Variants in NKAIN2 observed in about 807,000 individuals in gnomAD.
The protein encoded by NKAIN2 is sodium/potassium transporting ATPase interacting 2, also known as sodium/potassium-transporting ATPase subunit beta-1-interacting protein 2.
A neutral mutation model predicts 32.6 loss-of-function variants in NKAIN2; 14 were observed. The observed-to-expected ratio is 0.43, with a 90% CI of 0.28 to 0.67. The LOEUF (loss-of-function observed/expected upper bound fraction) is 0.67. NKAIN2 is among the 30% of genes least tolerant of loss of function. NKAIN2 has a pLI of 0.17. For synonymous variants in NKAIN2, 80 were observed against 87.2 expected (o/e 0.92, Z 0.46); for missense variants, 198 against 258.3 (o/e 0.77, Z 1.60).
chr6:124,417,824 T>C (rs1443496212), intron 3 of NKAIN2, among the ~76,000 whole-genome samples: 1 of 152,220 alleles, frequency 6.6e-6, no homozygotes, highest in Non-Finnish European at 1.5e-5. Context: ...TTTTACTTTC[T>C]CTTCTAATGC....
At chr6:124,366,038 T>A (rs1297307652) in intron 3 of NKAIN2, among the ~76,000 whole-genome samples, 1 of 151,750 alleles carries the variant, frequency 6.6e-6, no homozygotes, top group Admixed American at 6.6e-5. Context: ...GTAGAAATCC[T>A]CAAAACTCAA....
chr6:124,641,932 C>T (rs1784009365), intron 3 of NKAIN2, among the ~76,000 whole-genome samples: 1 of 152,014 alleles, frequency 6.6e-6, no homozygotes. Context: ...TAATGTTTTC[C>T]ATGCTCACAG....
intron 4 of NKAIN2, among the ~76,000 whole-genome samples, chr6:124,678,675 T>G (rs189029924): frequency 1.6e-4 from 24 of 152,306 alleles, no homozygotes; most frequent in African/African-American, 5.8e-4. Context: ...TTGTCAGAAA[T>G]TTTATATACC....
At chr6:124,755,818 C>T (rs1288797994) in intron 4 of NKAIN2, among the ~76,000 whole-genome samples, 2 of 152,236 alleles carry the variant, frequency 1.3e-5, no homozygotes, top group South Asian at 4.1e-4. Context: ...TCCCATGACA[C>T]AAGTTGACCT....
intron 1 of NKAIN2, among the ~76,000 whole-genome samples, chr6:123,914,342 A>T (rs1043633606): frequency 2.6e-5 from 4 of 151,966 alleles, no homozygotes; most frequent in African/African-American, 9.7e-5. Flanking sequence ...AGAGGGAAAA[A>T]GACATGTCGG....
intron 3 of NKAIN2, among the ~76,000 whole-genome samples, chr6:124,504,996 T>C (rs763319590): frequency 3.3e-5 from 5 of 152,224 alleles, no homozygotes; most frequent in Non-Finnish European, 5.9e-5. Context: ...GATGAGACTG[T>C]TGCTGAAGGA....
At chr6:124,195,417 C>T (rs200150502) in intron 1 of NKAIN2, among the ~76,000 whole-genome samples, 2 of 152,224 alleles carry the variant, frequency 1.3e-5, no homozygotes, top group East Asian at 3.9e-4. Flanking sequence ...CTAACTATCC[C>T]CTGCTGTTCA....
At chr6:124,682,152 A>G (rs997521417) in intron 4 of NKAIN2, among the ~76,000 whole-genome samples, 1 of 152,080 alleles carries the variant, frequency 6.6e-6, no homozygotes, top group Non-Finnish European at 1.5e-5. Context: ...TTTACAAATA[A>G]AAATTATTAG....
intron 1 of NKAIN2, among the ~76,000 whole-genome samples, chr6:124,142,148 G>A (rs779991457): frequency 4.6e-5 from 7 of 152,056 alleles, no homozygotes; most frequent in Non-Finnish European, 8.8e-5. Context: ...CTGACACATT[G>A]GGATTCTACT....
At chr6:124,663,504 C>T (rs1329397514) in intron 4 of NKAIN2, among the ~76,000 whole-genome samples, 1 of 151,698 alleles carries the variant, frequency 6.6e-6, no homozygotes, top group Non-Finnish European at 1.5e-5. Context: ...CACAGTTTGA[C>T]AAAAAATATA....
At chr6:123,991,819 A>G (rs1779425318) in intron 1 of NKAIN2, among the ~76,000 whole-genome samples, 1 of 152,096 alleles carries the variant, frequency 6.6e-6, no homozygotes, top group Non-Finnish European at 1.5e-5. Context: ...CTGAGATCGC[A>G]CCACTGCACT....
intron 3 of NKAIN2, among the ~76,000 whole-genome samples, chr6:124,409,322 C>T (rs919381407): frequency 1.3e-5 from 2 of 152,048 alleles, no homozygotes; most frequent in African/African-American, 4.8e-5. Context: ...ATGATATTGG[C>T]TGTGGGTTTG....
At chr6:124,596,614 A>C (rs1782095612) in intron 3 of NKAIN2, among the ~76,000 whole-genome samples, 1 of 151,766 alleles carries the variant, frequency 6.6e-6, no homozygotes, top group Admixed American at 6.6e-5. Flanking sequence ...TGTTTTATCC[A>C]TCTGTATTAT....
chr6:124,585,971 T>G (rs1219236951), intron 3 of NKAIN2, among the ~76,000 whole-genome samples: 1 of 152,216 alleles, frequency 6.6e-6, no homozygotes, highest in Non-Finnish European at 1.5e-5. Context: ...TATTCTTCCA[T>G]CGGTTCTATA....
At chr6:124,642,818 G>C (rs1784039888) in intron 3 of NKAIN2, among the ~76,000 whole-genome samples, 2 of 152,052 alleles carry the variant, frequency 1.3e-5, no homozygotes, top group East Asian at 1.9e-4. Flanking sequence ...TACTTGCTTG[G>C]CATTCCTCTA....
chr6:124,235,753 C>T (rs1792719187), intron 1 of NKAIN2, among the ~76,000 whole-genome samples: 1 of 151,756 alleles, frequency 6.6e-6, no homozygotes, highest in Non-Finnish European at 1.5e-5. Context: ...CACCCGTGAC[C>T]ACTCCCAGCT....
chr6:124,752,343 G>A (rs1777759455), intron 4 of NKAIN2, among the ~76,000 whole-genome samples: 2 of 151,940 alleles, frequency 1.3e-5, no homozygotes, highest in South Asian at 4.2e-4. Context: ...TCTTGGTTCT[G>A]CAATTCCCTA....
chr6:124,721,739 C>T (rs1273078183), intron 4 of NKAIN2, among the ~76,000 whole-genome samples: 1 of 152,152 alleles, frequency 6.6e-6, no homozygotes, highest in Non-Finnish European at 1.5e-5. Context: ...AGAACAGTGG[C>T]AATGGCCCGT....
chr6:124,689,689 T>C (rs1583652696), intron 4 of NKAIN2, among the ~76,000 whole-genome samples: 1 of 152,148 alleles, frequency 6.6e-6, no homozygotes, highest in African/African-American at 2.4e-5. Flanking sequence ...GGATGTCCAA[T>C]TGTTCCAAAT....
Sources: gnomAD v4.1 joint callset for allele counts (sites outside exome capture counted in the v4.1 genomes callset) on GRCh38, gnomAD v4.1.1 for gene constraint, MANE v1.5 for transcripts, NCBI Gene and HGNC (gene_info 2026-07-23, HGNC 2026-07-21) for gene names.